Variants in SOBP observed in about 807,000 individuals in gnomAD.
The protein encoded by SOBP is sine oculis-binding protein homolog.
Under a neutral mutation model 53.6 loss-of-function variants are expected in SOBP, and 4 were observed. That is an observed-to-expected ratio of 0.07 (90% CI 0.04 to 0.17). The LOEUF is 0.17. Ranked by LOEUF, SOBP falls within the 10% of genes least tolerant of loss-of-function variation. The probability of loss-of-function intolerance (pLI) is 1.00; values close to 1 mark genes in which losing one functional copy is unlikely to be tolerated. For missense variants in SOBP, 1,088 were observed against 1,204.7 expected (o/e 0.90, Z 1.43); for synonymous variants, 584 against 522.6 (o/e 1.12, Z -1.60).
chr6:107,550,485 G>T (rs998660882), intron 4 of SOBP, among the ~76,000 whole-genome samples: 1 of 152,192 alleles, frequency 6.6e-6, no homozygotes, highest in Admixed American at 6.5e-5. Flanking sequence ...TTGTTCTGTG[G>T]CTGGGGATAC....
At chr6:107,558,780 T>G (rs1391745309) in intron 4 of SOBP, among the ~76,000 whole-genome samples, 1 of 151,998 alleles carries the variant, frequency 6.6e-6, no homozygotes, top group Non-Finnish European at 1.5e-5. Flanking sequence ...ACTAGAGAGA[T>G]CAGAAAAAAT....
intron 1 of SOBP, among the ~76,000 whole-genome samples, chr6:107,497,264 A>G (rs924621028): frequency 1.3e-5 from 2 of 152,150 alleles, no homozygotes; most frequent in Admixed American, 6.5e-5. Flanking sequence ...TGGAATTGGG[A>G]GTTTCTTTTT....
intron 2 of SOBP, 111 bp downstream of exon 2, chr6:107,503,906 T>C: frequency 7.6e-7 from 1 of 1,310,646 alleles, no homozygotes; most frequent in East Asian, 2.3e-5. Context: ...ATTATGCCAA[T>C]GGTTGATTTA....
rs778734917 is a variant in SOBP, at chr6:107,634,596, C to A, written c.1752C>A (p.Pro584=). The change falls in exon 6 of 7, where the codon CCC becomes CCA. Residue 584 remains proline (P), a synonymous_variant. Coordinates refer to ENST00000317357, the MANE Select transcript of SOBP (RefSeq NM_018013.4). The surrounding 1 kb of genome is among the most constrained non-coding windows in gnomAD (Gnocchi z 4.5). ...AGCCAAGCGGACACTCCCTGTCCCCCCGGGACTCCAAGCAGGGCTCGTCCA... is the reference window on the plus strand; with the variant it reads ...AGCCAAGCGGACACTCCCTGTCCCCACGGGACTCCAAGCAGGGCTCGTCCA... ...GGKPSGHSLS[P]RDSKQGSSKS... is the part of the protein sequence containing the mutation. The A allele has an allele frequency of 7.5e-6, 12 of 1,601,828 alleles. No homozygotes were observed. The highest frequency in any genetic ancestry group is 2.2e-5 in the East Asian group (1 of 44,712).
chr6:107,629,649 G>A (rs1770616965), intron 5 of SOBP, among the ~76,000 whole-genome samples: 1 of 152,196 alleles, frequency 6.6e-6, no homozygotes, highest in African/African-American at 2.4e-5. Context: ...CTTATATCAG[G>A]AGCAAGTGAT....
intron 6 of SOBP, among the ~76,000 whole-genome samples, chr6:107,653,023 C>T (rs1467147706): frequency 6.6e-6 from 1 of 152,162 alleles, no homozygotes; most frequent in Admixed American, 6.5e-5. Flanking sequence ...TTGCAATGCT[C>T]ACTTTATTGC....
intron 5 of SOBP, among the ~76,000 whole-genome samples, chr6:107,595,901 G>A (rs1785930711): frequency 6.6e-6 from 1 of 152,142 alleles, no homozygotes; most frequent in African/African-American, 2.4e-5. Flanking sequence ...AGCAGGTTCA[G>A]GAAAACAAGA....
chr6:107,543,638 G>T (rs947635107), intron 4 of SOBP, among the ~76,000 whole-genome samples: 1 of 152,170 alleles, frequency 6.6e-6, no homozygotes, highest in Non-Finnish European at 1.5e-5. Context: ...GGAGATGCAA[G>T]CAAATGCCCT....
chr6:107,636,773 A>G (rs1771064461), intron 6 of SOBP, among the ~76,000 whole-genome samples: 1 of 152,162 alleles, frequency 6.6e-6, no homozygotes, highest in African/African-American at 2.4e-5. Flanking sequence ...TGGATCTCGT[A>G]AGATGAATAA....
intron 4 of SOBP, among the ~76,000 whole-genome samples, chr6:107,548,028 TTTAC>T (rs1207485657): frequency 1.3e-5 from 2 of 152,158 alleles, no homozygotes; most frequent in Non-Finnish European, 2.9e-5. Flanking sequence ...TTGATGACTT[TTTAC>T]TTCTAGTTAA....
chr6:107,528,008 A>G (rs1283091524), intron 3 of SOBP, among the ~76,000 whole-genome samples: 1 of 152,168 alleles, frequency 6.6e-6, no homozygotes, highest in African/African-American at 2.4e-5. Flanking sequence ...TTCCAAGGCT[A>G]GAGATTAGCT....
chr6:107,629,910 ATTTG>A (rs1315329822), intron 5 of SOBP, among the ~76,000 whole-genome samples: 1 of 152,190 alleles, frequency 6.6e-6, no homozygotes, highest in Admixed American at 6.5e-5. Context: ...TGGAATACGC[ATTTG>A]TTTATCTCCT....
chr6:107,546,289 G>C (rs1001017920), intron 4 of SOBP, among the ~76,000 whole-genome samples: 2 of 152,206 alleles, frequency 1.3e-5, no homozygotes, highest in African/African-American at 4.8e-5. Context: ...GTGATGTAGA[G>C]CAGGTTTTAT....
At chr6:107,526,028 A>G (rs1422411790) in intron 3 of SOBP, among the ~76,000 whole-genome samples, 1 of 151,084 alleles carries the variant, frequency 6.6e-6, no homozygotes, top group Non-Finnish European at 1.5e-5. Context: ...GCTCACTGCA[A>G]CCTCCACTTC....
intron 5 of SOBP, among the ~76,000 whole-genome samples, chr6:107,601,837 C>G (rs189725149): frequency 2.6e-4 from 39 of 152,308 alleles, no homozygotes; most frequent in Non-Finnish European, 1.0e-4. Flanking sequence ...GACTTAATTG[C>G]TTTTGAGTAG....
chr6:107,648,886 G>T (rs1037980274), intron 6 of SOBP, among the ~76,000 whole-genome samples: 1 of 152,168 alleles, frequency 6.6e-6, no homozygotes, highest in African/African-American at 2.4e-5. Flanking sequence ...TGCTGTATTT[G>T]ATGTAAATTA....
chr6:107,569,022 T>G (rs1784996197), intron 4 of SOBP, among the ~76,000 whole-genome samples: 1 of 152,122 alleles, frequency 6.6e-6, no homozygotes, highest in Non-Finnish European at 1.5e-5. Flanking sequence ...AACAGTTGTT[T>G]TAAAAGAGTT....
intron 4 of SOBP, among the ~76,000 whole-genome samples, chr6:107,554,454 A>G (rs569739526): frequency 6.6e-6 from 1 of 152,312 alleles, no homozygotes; most frequent in East Asian, 1.9e-4. Context: ...ATGCAGCGTA[A>G]TACTTAACAG....
intron 4 of SOBP, among the ~76,000 whole-genome samples, chr6:107,547,757 A>G (rs568963364): frequency 2.0e-3 from 301 of 152,352 alleles, no homozygotes; most frequent in Non-Finnish European, 3.0e-3. Flanking sequence ...ACATTAATCC[A>G]CGGAGGCAGC....
Sources: allele counts gnomAD v4.1 joint callset (sites outside exome capture counted in the v4.1 genomes callset), GRCh38; gene constraint gnomAD v4.1.1; non-coding constraint Gnocchi (gnomAD v3.1); transcripts MANE v1.5; gene names NCBI Gene and HGNC (gene_info 2026-07-23, HGNC 2026-07-21).